The following KCNK2 variants were observed in gnomAD, a reference collection of about 807,000 sequenced individuals.
The protein encoded by KCNK2 is potassium channel subfamily K member 2.
Under a neutral mutation model 40.5 loss-of-function variants are expected in KCNK2, and 21 were observed. The observed-to-expected ratio is 0.52, with a 90% CI of 0.37 to 0.75. The LOEUF is 0.75. KCNK2 is among the 30% of genes least tolerant of loss of function. The pLI is 0.00. For synonymous variants in KCNK2, 191 were observed against 202.2 expected (o/e 0.94, Z 0.47); for missense variants, 399 against 531.6 (o/e 0.75, Z 2.45).
intron 1 of KCNK2, among the ~76,000 whole-genome samples, chr1:215,077,374 C>A (rs936857998): frequency 1.3e-5 from 2 of 152,118 alleles, no homozygotes; most frequent in African/African-American, 4.8e-5. Flanking sequence ...TCCCCACATC[C>A]AAAGGGACGC....
intron 2 of KCNK2, among the ~76,000 whole-genome samples, chr1:215,119,012 T>A (rs1292599601): frequency 6.6e-6 from 1 of 152,098 alleles, no homozygotes; most frequent in African/African-American, 2.4e-5. Flanking sequence ...ATAAGTAAAA[T>A]CAGAACTTCT....
intron 3 of KCNK2, among the ~76,000 whole-genome samples, chr1:215,135,418 A>C (rs1365731660): frequency 6.6e-6 from 1 of 152,184 alleles, no homozygotes; most frequent in Non-Finnish European, 1.5e-5. Flanking sequence ...ACTAATTTTT[A>C]GGGTAAGCTA....
At chr1:215,043,950 A>G (rs1012919125) in intron 1 of KCNK2, among the ~76,000 whole-genome samples, 1 of 152,218 alleles carries the variant, frequency 6.6e-6, no homozygotes. Context: ...ACAATAAAAA[A>G]GATGAGAGAA....
At chr1:215,128,281 A>G (rs1661523096) in intron 3 of KCNK2, among the ~76,000 whole-genome samples, 1 of 152,184 alleles carries the variant, frequency 6.6e-6, no homozygotes, top group South Asian at 2.1e-4. Context: ...ATCAGAGGTA[A>G]AAGACAGTGT....
chr1:215,232,110 T>C (rs1050413331), intron 6 of KCNK2, among the ~76,000 whole-genome samples: 11 of 152,192 alleles, frequency 7.2e-5, no homozygotes, highest in African/African-American at 2.7e-4. Flanking sequence ...CGGTAATACT[T>C]TGTACACATT....
intron 2 of KCNK2, among the ~76,000 whole-genome samples, chr1:215,118,873 T>C (rs1661059957): frequency 6.6e-6 from 1 of 152,184 alleles, no homozygotes; most frequent in Admixed American, 6.6e-5. Flanking sequence ...AAATTATTAA[T>C]GTGATTCTAC....
rs1214318973 is a variant in KCNK2, at chr1:215,007,037, A to ATGTGTGTGTGTG, written c.34+1084_34+1095dup. On this transcript the variant is annotated intron_variant, in intron 1 of 6. Coordinates refer to the KCNK2 transcript ENST00000391895. ...TATATATATATATATATATATATAT[A>ATGTGTGTGTGTG]TGTGTGTGTGTGTATATATATATGT... is the stretch of plus-strand genomic sequence containing the variant. Among the ~76,000 whole-genome samples, 47 of 51,568 alleles carry ATGTGTGTGTGTG rather than the reference A, an allele frequency of 9.1e-4. 3 individuals are homozygous for ATGTGTGTGTGTG. In the East Asian group the frequency reaches 0.012, roughly 13 times the overall value. 33.8% of individuals were successfully genotyped at this position (51,568 alleles called of 152,430 possible). A position where few individuals can be genotyped will look rare whatever the true frequency, so the allele number is the denominator to read the frequency against.
intron 1 of KCNK2, among the ~76,000 whole-genome samples, chr1:215,055,957 TA>T (rs899943912): frequency 6.6e-6 from 1 of 152,180 alleles, no homozygotes; most frequent in Non-Finnish European, 1.5e-5. Flanking sequence ...AGTTAGGCTT[TA>T]AAAATTTAAA....
chr1:215,232,579 G>A lies in KCNK2; in HGVS notation c.964-2249G>A, dbSNP rs569187713. 5.3e-5 allele frequency among the ~76,000 whole-genome samples: 8 copies of A among 152,270 alleles called. No individual in the cohort carries two copies. In the South Asian group the frequency reaches 1.7e-3, roughly 32 times the overall value. ...GAAATGTGCCACATACGAGGTTCTA[G>A]GTGCTGAGGATGTATATGGAGCTTA... On this transcript the variant is annotated intron_variant, in intron 6 of 6. Transcript: ENST00000444842.
At chr1:215,081,165 A>ATGTGTGTGTGTG (rs34229936), upstream of KCNK2, among the ~76,000 whole-genome samples, 535 of 149,368 alleles carry the variant, frequency 3.6e-3, 3 homozygotes, top group Non-Finnish European at 6.0e-3. Context: ...GTACACGCAA[A>ATGTGTGTGTGTG]TGTGTGTGTG....
chr1:215,176,455 C>A (rs1235349048), intron 5 of KCNK2, among the ~76,000 whole-genome samples: 3 of 152,036 alleles, frequency 2.0e-5, no homozygotes, highest in Non-Finnish European at 4.4e-5. Context: ...ATATTAAGCC[C>A]AGAATCTATT....
intron 1 of KCNK2, among the ~76,000 whole-genome samples, chr1:215,012,650 T>G (rs886606128): frequency 7.0e-6 from 1 of 143,292 alleles, no homozygotes; most frequent in Non-Finnish European, 1.5e-5. Flanking sequence ...TTTTTAGTTT[T>G]TTTTTTTTTT....
chr1:215,083,699 T>C (rs1208851496), intron 1 of KCNK2: 6 of 559,712 alleles, frequency 1.1e-5, no homozygotes, highest in African/African-American at 1.9e-5. Flanking sequence ...GAGTTTCCCA[T>C]GGAGAAGGAG....
At chr1:215,175,436 A>C (rs1442618274) in intron 5 of KCNK2, among the ~76,000 whole-genome samples, 2 of 137,888 alleles carry the variant, frequency 1.5e-5, no homozygotes, top group Admixed American at 7.6e-5. Context: ...TTGATACCAA[A>C]TGTCTGCCTC....
At chr1:215,080,213 A>AT (rs1462229644), upstream of KCNK2, among the ~76,000 whole-genome samples, 1 of 152,234 alleles carries the variant, frequency 6.6e-6, no homozygotes, top group Admixed American at 6.5e-5. Flanking sequence ...AAACAGGCAT[A>AT]TTCAAACTAT....
intron 1 of KCNK2, among the ~76,000 whole-genome samples, chr1:215,041,196 G>A (rs1286541451): frequency 1.3e-5 from 2 of 152,030 alleles, no homozygotes; most frequent in Non-Finnish European, 2.9e-5. Flanking sequence ...TTAAGTAAGC[G>A]GCTCTGCCAC....
chr1:215,059,433 G>GT (rs34578546), intron 1 of KCNK2, among the ~76,000 whole-genome samples: 40,182 of 151,880 alleles, frequency 0.26, 6,094 homozygotes, highest in South Asian at 0.56. Flanking sequence ...CCTTAATTTG[G>GT]TAAGTTAGTA....
chr1:215,015,476 C>A (rs1014822177), intron 1 of KCNK2, among the ~76,000 whole-genome samples: 3 of 152,080 alleles, frequency 2.0e-5, no homozygotes, highest in African/African-American at 7.2e-5. Context: ...AAAAACCATA[C>A]AGGCTCTGGG....
At chr1:215,208,641 G>C (rs1665419373) in intron 6 of KCNK2, among the ~76,000 whole-genome samples, 1 of 152,068 alleles carries the variant, frequency 6.6e-6, no homozygotes, top group Admixed American at 6.6e-5. Flanking sequence ...TGAGAAAAAT[G>C]CTACGTATGA....
Sources: allele counts gnomAD v4.1 joint callset (sites outside exome capture counted in the v4.1 genomes callset), GRCh38; gene constraint gnomAD v4.1.1; transcripts MANE v1.5; gene names NCBI Gene and HGNC (gene_info 2026-07-23, HGNC 2026-07-21).